Variants in DDX28 observed in about 807,000 individuals in gnomAD.
DDX28 encodes probable ATP-dependent RNA helicase DDX28.
DDX28 carries 25 observed loss-of-function variants against 26.8 expected under a neutral mutation model. That is an observed-to-expected ratio of 0.93 (90% CI 0.68 to 1.30). The LOEUF (loss-of-function observed/expected upper bound fraction) is 1.30. DDX28 is among the 50% of genes most tolerant of loss of function. The pLI, the probability that DDX28 is intolerant of heterozygous loss-of-function variation, is 0.00. For missense variants in DDX28, 790 were observed against 695.1 expected (o/e 1.14, Z -1.53); for synonymous variants, 370 against 311.9 (o/e 1.19, Z -1.96).
rs2033237296 is a variant in DDX28 at position 68,021,508 on chromosome 16, G to C, written c.*72C>G. ...GCAGCCCAGAGCCTCCCACTGACAA[G>C]TGTGGTCACCCACTCAAGATACTGG... On this transcript the variant is annotated 3_prime_UTR_variant, in exon 1 of 1. Coordinates refer to ENST00000332395, the MANE Select transcript of DDX28 (RefSeq NM_018380.4). 1 of 1,524,916 alleles carries C rather than the reference G, an allele frequency of 6.6e-7. No individual in the cohort carries two copies. 94.5% of individuals were successfully genotyped at this position (1,524,916 alleles called of 1,614,324 possible).
At position 68,021,585 on chromosome 16, in the gene DDX28, T is replaced by A. The variant is rs1399742399; in HGVS notation, c.1618A>T (p.Thr540Ser). The change falls in exon 1 of 1, where the codon ACC becomes TCC. Residue 540 changes from threonine to serine, a missense_variant. Physicochemically the swap from Thr to Ser is moderately conservative, Grantham distance 58. Coordinates refer to ENST00000332395, the MANE Select transcript of DDX28 (RefSeq NM_018380.4). Reference sequence around the variant, plus strand: ...TTTAATCAGATTTGTCAAAATCAGGTTGCTTGGGGCAAAGGCTCTTTCACC... The same window carrying A: ...TTTAATCAGATTTGTCAAAATCAGGATGCTTGGGGCAAAGGCTCTTTCACC... ...SSVKEPLPQA[T>S] 2 of 1,611,708 alleles carry A rather than the reference T, an allele frequency of 1.2e-6. No individual in the cohort carries two copies. Among genetic ancestry groups the A allele is most frequent in the South Asian group, 2.2e-5 (2 of 90,970 alleles).
In DDX28 at chr16:68,023,170, G is replaced by T. The variant is rs1254152470; in HGVS notation, c.33C>A (p.Ser11=). 1.9e-6 allele frequency: 3 copies of T among 1,609,320 alleles called. No homozygotes were observed. Among genetic ancestry groups the T allele is most frequent in the Non-Finnish European group, 2.5e-6 (3 of 1,179,578 alleles). The change falls in exon 1 of 1, where the codon TCC becomes TCA. Residue 11 remains serine (S), a synonymous_variant. Coordinates refer to ENST00000332395, the MANE Select transcript of DDX28 (RefSeq NM_018380.4). ...GCGCCAGGAGCAACCGAGTCACGAG[G>T]GAAAAGAGCCGCACCGGCCGCGTTA... MALTRPVRLF[S]LVTRLLLAPR... is the part of the protein sequence containing the mutation.
In DDX28 at chr16:68,022,885, G is replaced by T; in HGVS notation, c.318C>A (p.His106Gln). 4 of 1,572,072 alleles carry T rather than the reference G, an allele frequency of 2.5e-6. No homozygotes were observed. Among genetic ancestry groups the T allele is most frequent in the Non-Finnish European group, 2.6e-6 (3 of 1,159,712 alleles). ...CCTGTTGCGCGCGCTCGATGGAGAA[G>T]TGGTCCCGACGCGCGCGTCGACTCT... ...GWKSRRARRDHFSIERAQQEA... is the reference protein window; with the variant it reads ...GWKSRRARRDQFSIERAQQEA... Residue 106 changes from histidine to glutamine, a missense_variant, in exon 1 of 1, where the codon CAC becomes CAA. By Grantham distance (24) the His-to-Gln change is conservative (BLOSUM62 0). Coordinates refer to ENST00000332395, the MANE Select transcript of DDX28 (RefSeq NM_018380.4).
chr16:68,023,184 C>A lies in DDX28; in HGVS notation c.19G>T (p.Val7Leu), dbSNP rs2033284215. The change falls in exon 1 of 1, where the codon GTG becomes TTG. Residue 7 changes from valine (V) to leucine (L), a missense_variant. Transcript: ENST00000332395. MALTRPVRLFSLVTRLL... is the reference protein window; with the variant it reads MALTRPLRLFSLVTRLL... ...CGAGTCACGAGGGAAAAGAGCCGCA[C>A]CGGCCGCGTTAGAGCCATGTTTCCC... 6.2e-7 allele frequency: 1 copy of A among 1,609,878 alleles called. No homozygotes were observed. The highest frequency in any genetic ancestry group is 2.2e-5 in the East Asian group (1 of 44,840).
In DDX28 at chr16:68,022,278, T is replaced by C. The variant is rs775775425; in HGVS notation, c.925A>G (p.Ile309Val). The change falls in exon 1 of 1, where the codon ATA becomes GTA. Residue 309 changes from isoleucine to valine, a missense_variant. By Grantham distance (29) the Ile-to-Val change is conservative. Coordinates refer to ENST00000332395, the MANE Select transcript of DDX28 (RefSeq NM_018380.4). Reference protein sequence around the residue: ...LVDYILEKSHIAEGPADLEDP... With the variant: ...LVDYILEKSHVAEGPADLEDP... ...TCCAAGTCAGCTGGGCCTTCTGCTA[T>C]GTGGCTCTTCTCTAAGATGTAGTCC... 3 of 1,614,226 alleles carry C rather than the reference T, an allele frequency of 1.9e-6. No individual in the cohort carries two copies. Among genetic ancestry groups the C allele is most frequent in the South Asian group, 1.1e-5 (1 of 91,090 alleles).
rs756218411 is a variant in DDX28, at chr16:68,022,413, C to G, written c.790G>C (p.Gly264Arg). The change falls in exon 1 of 1, where the codon GGG (glycine) becomes CGG (arginine). Residue 264 changes from glycine (G) to arginine (R), a missense_variant. Transcript: ENST00000332395. ...CTTTTCAGGGCCTTCCACAGAGCCC[C>G]TGGAGTGGCCACAAGCACATCTGCT... ...PSADVLVATP[G>R]ALWKALKSRL... 4 of 1,613,970 alleles carry G rather than the reference C, an allele frequency of 2.5e-6. No individual in the cohort carries two copies. In the African/African-American group the frequency reaches 5.3e-5, roughly 22 times the overall value.
rs746436723 is a variant in DDX28, at chr16:68,023,187, G to C, written c.16C>G (p.Pro6Ala). ...GTCACGAGGGAAAAGAGCCGCACCG[G>C]CCGCGTTAGAGCCATGTTTCCCTTA... MALTR[P>A]VRLFSLVTRL... The change falls in exon 1 of 1, where the codon CCG (proline) becomes GCG (alanine). Residue 6 changes from proline (P) to alanine (A), a missense_variant. By Grantham distance (27) the Pro-to-Ala change is conservative. Coordinates refer to ENST00000332395, the MANE Select transcript of DDX28 (RefSeq NM_018380.4). 2.5e-6 allele frequency: 4 copies of C among 1,609,714 alleles called. No homozygotes were observed. The highest frequency in any genetic ancestry group is 2.5e-6 in the Non-Finnish European group (3 of 1,179,008).
Position 68,022,604 on chromosome 16 carries a change from G to C in DDX28, c.599C>G (p.Pro200Arg). ...LLGQPSLDSL[P>R]IPAPRGLVLV... is the part of the protein sequence containing the mutation. ...GACCAGGCCTCGGGGCGCGGGGATAGGAAGGGAGTCCAGGCTTGGCTGGCC... is the reference window on the plus strand; with the variant it reads ...GACCAGGCCTCGGGGCGCGGGGATACGAAGGGAGTCCAGGCTTGGCTGGCC... The change falls in exon 1 of 1, where the codon CCT becomes CGT. Residue 200 changes from proline to arginine, a missense_variant. Pro to Arg is a moderately radical substitution (Grantham distance 103, BLOSUM62 -2). Transcript: ENST00000332395. The C allele has an allele frequency of 6.2e-7, 1 of 1,613,772 alleles. No homozygotes were observed. The highest frequency in any genetic ancestry group is 8.5e-7 in the Non-Finnish European group (1 of 1,179,988).
chr16:68,021,493 G>C lies in DDX28; in HGVS notation c.*87C>G. 6.9e-7 allele frequency: 1 copy of C among 1,455,282 alleles called. No individual in the cohort carries two copies. The highest frequency in any genetic ancestry group is 9.3e-7 in the Non-Finnish European group (1 of 1,070,576). The allele number at this position is 1,455,282 out of a possible 1,614,324, so 90.1% of individuals were successfully genotyped here. On this transcript the variant is annotated 3_prime_UTR_variant, in exon 1 of 1. Coordinates refer to ENST00000332395, the MANE Select transcript of DDX28 (RefSeq NM_018380.4). ...CAAGGAGCCGACAGGGCAGCCCAGAGCCTCCCACTGACAAGTGTGGTCACC... is the reference window on the plus strand; with the variant it reads ...CAAGGAGCCGACAGGGCAGCCCAGACCCTCCCACTGACAAGTGTGGTCACC...
At position 68,021,481 on chromosome 16, in the gene DDX28, G is replaced by C; in HGVS notation, c.*99C>G. 4 of 1,355,586 alleles carry C rather than the reference G, an allele frequency of 3.0e-6. No homozygotes were observed. The highest frequency in any genetic ancestry group is 4.0e-6 in the Non-Finnish European group (4 of 991,340). The allele number at this position is 1,355,586 out of a possible 1,614,324, so 84.0% of individuals were successfully genotyped here. Reference sequence around the variant, plus strand: ...TCATCCCGCCCTCAAGGAGCCGACAGGGCAGCCCAGAGCCTCCCACTGACA... The same window carrying C: ...TCATCCCGCCCTCAAGGAGCCGACACGGCAGCCCAGAGCCTCCCACTGACA... On this transcript the variant is annotated 3_prime_UTR_variant, in exon 1 of 1. Transcript: ENST00000332395.
chr16:68,022,729 G>T lies in DDX28; in HGVS notation c.474C>A (p.Thr158=), dbSNP rs2033267537. 1 of 1,613,094 alleles carries T rather than the reference G, an allele frequency of 6.2e-7. No individual in the cohort carries two copies. Among genetic ancestry groups the T allele is most frequent in the Non-Finnish European group, 8.5e-7 (1 of 1,180,030 alleles). ...GGCGGCCGCGAAGTAGTGAGGGGAT[G>T]GTGCTAGACTGCACGGTTGTGGGCT... ...VVQPTTVQSS[T]IPSLLRGRHV... Residue 158 remains threonine, a synonymous_variant, in exon 1 of 1, where the codon ACC becomes ACA. Coordinates refer to ENST00000332395, the MANE Select transcript of DDX28 (RefSeq NM_018380.4).
At position 68,023,028 on chromosome 16, in the gene DDX28, G is replaced by C; in HGVS notation, c.175C>G (p.Pro59Ala). 6.3e-7 allele frequency: 1 copy of C among 1,587,414 alleles called. No homozygotes were observed. The highest frequency in any genetic ancestry group is 1.7e-5 in the Admixed American group (1 of 57,860). The change falls in exon 1 of 1, where the codon CCG becomes GCG. Residue 59 changes from proline to alanine, a missense_variant. By Grantham distance (27) the Pro-to-Ala change is conservative (BLOSUM62 -1). Coordinates refer to ENST00000332395, the MANE Select transcript of DDX28 (RefSeq NM_018380.4). Reference sequence around the variant, plus strand: ...AGCGGTCCGGGTCGAACCAGCACCGGCCTCGGGAGGTTCCGCCGCCTGCTC... The same window carrying C: ...AGCGGTCCGGGTCGAACCAGCACCGCCCTCGGGAGGTTCCGCCGCCTGCTC... ...RQSRRRNLPR[P>A]VLVRPGPLLV...
chr16:68,022,297 G>A lies in DDX28; in HGVS notation c.906C>T (p.Tyr302=). ...LDESFLELVD[Y]ILEKSHIAEG... Reference sequence around the variant, plus strand: ...CTGCTATGTGGCTCTTCTCTAAGATGTAGTCCACCAGTTCCAGGAAGCTTT... The same window carrying A: ...CTGCTATGTGGCTCTTCTCTAAGATATAGTCCACCAGTTCCAGGAAGCTTT... Residue 302 remains tyrosine, a synonymous_variant, in exon 1 of 1, where the codon TAC becomes TAT. Coordinates refer to ENST00000332395, the MANE Select transcript of DDX28 (RefSeq NM_018380.4). 1 of 1,614,242 alleles carries A rather than the reference G, an allele frequency of 6.2e-7. No individual in the cohort carries two copies. The highest frequency in any genetic ancestry group is 2.2e-5 in the East Asian group (1 of 44,888).
chr16:68,021,992 C>A lies in DDX28; in HGVS notation c.1211G>T (p.Cys404Phe), dbSNP rs1465266714. ...CCAGTTCACAGTGCTGGAGCTATTA[C>A]AGAACACCAGAACAGTTCCTGAGGG... ...TGPSGTVLVF[C>F]NSSSTVNWLG... Residue 404 changes from cysteine to phenylalanine, a missense_variant, in exon 1 of 1, where the codon TGT becomes TTT. Coordinates refer to ENST00000332395, the MANE Select transcript of DDX28 (RefSeq NM_018380.4). 6.2e-7 allele frequency: 1 copy of A among 1,614,194 alleles called. No homozygotes were observed. The highest frequency in any genetic ancestry group is 1.1e-5 in the South Asian group (1 of 91,074).
chr16:68,022,041 G>C lies in DDX28; in HGVS notation c.1162C>G (p.Arg388Gly), dbSNP rs1408854881. 6.2e-7 allele frequency: 1 copy of C among 1,614,204 alleles called. No homozygotes were observed. Among genetic ancestry groups the C allele is most frequent in the Admixed American group, 1.7e-5 (1 of 60,010 alleles). Residue 388 changes from arginine to glycine, a missense_variant, in exon 1 of 1, where the codon CGT (arginine) becomes GGT (glycine). Physicochemically the swap from Arg to Gly is moderately radical, Grantham distance 125. Transcript: ENST00000332395. ...VAELVHILKHRDRAERTGPSG... is the reference protein window; with the variant it reads ...VAELVHILKHGDRAERTGPSG... Reference sequence around the variant, plus strand: ...GGACCAGTCCTTTCTGCTCTGTCACGATGCTTGAGGATGTGCACCAGCTCG... The same window carrying C: ...GGACCAGTCCTTTCTGCTCTGTCACCATGCTTGAGGATGTGCACCAGCTCG...
Position 68,021,032 on chromosome 16 carries a change from A to G in DDX28, c.*548T>C, listed in dbSNP as rs1435260167. Among the ~76,000 whole-genome samples, 5 of 151,576 alleles carry G rather than the reference A, an allele frequency of 3.3e-5. No homozygotes were observed. Among genetic ancestry groups the G allele is most frequent in the African/African-American group, 4.9e-5 (2 of 41,220 alleles). On this transcript the variant is annotated 3_prime_UTR_variant, in exon 1 of 1. Transcript: ENST00000332395. Reference sequence around the variant, plus strand: ...AAACTTCTGTGTTCGTCTACCCTTTACTTTTCTGCCAGTACCTTCCAGAGA... The same window carrying G: ...AAACTTCTGTGTTCGTCTACCCTTTGCTTTTCTGCCAGTACCTTCCAGAGA...
At position 68,021,417 on chromosome 16, in the gene DDX28, T is replaced by C; in HGVS notation, c.*163A>G. On this transcript the variant is annotated 3_prime_UTR_variant, in exon 1 of 1. Transcript: ENST00000332395. ...CCATGCTCAGCAGCTTCTTCTCCAATGCTGGCCAGCAGCGTACCTTTCCAA... is the reference window on the plus strand; with the variant it reads ...CCATGCTCAGCAGCTTCTTCTCCAACGCTGGCCAGCAGCGTACCTTTCCAA... 2.9e-6 allele frequency: 2 copies of C among 697,174 alleles called. No individual in the cohort carries two copies. Among genetic ancestry groups the C allele is most frequent in the East Asian group, 2.7e-5 (1 of 36,688 alleles). The allele number at this position is 697,174 out of a possible 1,614,324, so 43.2% of individuals were successfully genotyped here.
Position 68,021,429 on chromosome 16 carries a change from G to T in DDX28, c.*151C>A. ...GCTTCTTCTCCAATGCTGGCCAGCA[G>T]CGTACCTTTCCAAGTCACAAAGCAG... On this transcript the variant is annotated 3_prime_UTR_variant, in exon 1 of 1. Transcript: ENST00000332395. The T allele has an allele frequency of 1.3e-6, 1 of 757,762 alleles. No homozygotes were observed. The highest frequency in any genetic ancestry group is 2.1e-6 in the Non-Finnish European group (1 of 477,698). The allele number at this position is 757,762 out of a possible 1,614,324, so 46.9% of individuals were successfully genotyped here. A position where few individuals can be genotyped will look rare whatever the true frequency, so the allele number is the denominator to read the frequency against.
rs1358964431 is a variant in DDX28, at chr16:68,021,962, C to T, written c.1241G>A (p.Gly414Glu). 1 of 1,614,162 alleles carries T rather than the reference C, an allele frequency of 6.2e-7. No individual in the cohort carries two copies. Among genetic ancestry groups the T allele is most frequent in the Non-Finnish European group, 8.5e-7 (1 of 1,180,040 alleles). ...CNSSSTVNWLGYILDDHKIQH... is the reference protein window; with the variant it reads ...CNSSSTVNWLEYILDDHKIQH... ...GATTTTGTGGTCATCCAGAATATAT[C>T]CCAGCCAGTTCACAGTGCTGGAGCT... The change falls in exon 1 of 1, where the codon GGA becomes GAA. Residue 414 changes from glycine to glutamate, a missense_variant. Coordinates refer to ENST00000332395, the MANE Select transcript of DDX28 (RefSeq NM_018380.4).
Sources: gnomAD v4.1 joint callset for allele counts (sites outside exome capture counted in the v4.1 genomes callset) on GRCh38, gnomAD v4.1.1 for gene constraint, MANE v1.5 for transcripts, NCBI Gene and HGNC (gene_info 2026-07-23, HGNC 2026-07-21) for gene names.